The following RNMT variants were observed in gnomAD, a reference collection of about 807,000 sequenced individuals.
RNMT encodes the protein mRNA cap guanine-N(7) methyltransferase.
Under a neutral mutation model 56.0 loss-of-function variants are expected in RNMT, and 27 were observed. The ratio of observed to expected loss-of-function variants is 0.48; its 90% confidence interval spans 0.36 to 0.67. The LOEUF is 0.67. RNMT is among the 30% of genes least tolerant of loss of function. The pLI is 0.00. For missense variants in RNMT, 519 were observed against 552.1 expected, an observed-to-expected ratio of 0.94 and a Z score of 0.60; for synonymous variants, 184 against 176.2, an observed-to-expected ratio of 1.04 and a Z score of -0.35.
At chr18:13,755,897 A>T (rs1189972762) in intron 11 of RNMT, among the ~76,000 whole-genome samples, 1 of 152,172 alleles carries the variant, frequency 6.6e-6, no homozygotes, top group African/African-American at 2.4e-5. Context: ...GTCATCATGT[A>T]CAAATGAAAA....
chr18:13,742,106 A>T (rs2044260710), intron 7 of RNMT, among the ~76,000 whole-genome samples: 1 of 152,220 alleles, frequency 6.6e-6, no homozygotes, highest in South Asian at 2.1e-4. Context: ...TGGGAGGCCA[A>T]GGCAGGAGGA....
chr18:13,741,626 T>C lies in RNMT; in HGVS notation c.909T>C (p.Asn303=). ...SYEQADMMLR[N]ACERLSPGGY... is the part of the protein sequence containing the mutation. Reference sequence around the variant, plus strand: ...AGCAGGCTGACATGATGCTGAGAAATGCGTGTGAGAGACTTAGCCCTGGGG... The same window carrying C: ...AGCAGGCTGACATGATGCTGAGAAACGCGTGTGAGAGACTTAGCCCTGGGG... Residue 303 remains asparagine (N), a synonymous_variant, in exon 7 of 12, where the codon AAT becomes AAC. Transcript: ENST00000383314. 6.2e-7 allele frequency: 1 copy of C among 1,614,084 alleles called. No homozygotes were observed. The highest frequency in any genetic ancestry group is 8.5e-7 in the Non-Finnish European group (1 of 1,179,948).
chr18:13,763,392 C>A lies in RNMT; in HGVS notation c.*3413C>A, dbSNP rs73418756. On this transcript the variant is annotated 3_prime_UTR_variant, in exon 12 of 12. Transcript: ENST00000383314. ...CATGTAGGCCTAAAGTCACCCCACT[C>A]CTTAGTGCCTGCACCTCACCACGAT... The A allele has an allele frequency of 0.01, 2,913 of 280,938 alleles. 74 individuals carry two copies. The highest frequency in any genetic ancestry group is 0.046 in the African/African-American group (2,122 of 46,068). 17.4% of individuals were successfully genotyped at this position (280,938 alleles called of 1,614,324 possible). A position where few individuals can be genotyped will look rare whatever the true frequency, so the allele number is the denominator to read the frequency against.
intron 11 of RNMT, among the ~76,000 whole-genome samples, chr18:13,755,789 TC>T (rs2044532770): frequency 6.6e-6 from 1 of 152,190 alleles, no homozygotes; most frequent in Non-Finnish European, 1.5e-5. Flanking sequence ...ATCCTGCTGG[TC>T]CCAAAGTAGA....
In RNMT at chr18:13,749,234, A is replaced by G. The variant is rs994434256; in HGVS notation, c.1257+2897A>G. Among the ~76,000 whole-genome samples the G allele has an allele frequency of 2.6e-5, 4 of 152,376 alleles. No homozygotes were observed. The East Asian group carries it at 7.7e-4, about 29-fold the overall frequency. ...GGATAAGTTGAAGAACAAGTTTACA[A>G]CAAAATAGTTTGACAGGCATTCAAA... On this transcript the variant is annotated intron_variant, in intron 9 of 11. Coordinates refer to ENST00000383314, the MANE Select transcript of RNMT (RefSeq NM_003799.3).
rs2044569023 is a variant in RNMT at position 13,757,835 on chromosome 18, ACTAT to A, written c.1394-2102_1394-2099del. On this transcript the variant is annotated intron_variant, in intron 11 of 11. Coordinates refer to ENST00000383314, the MANE Select transcript of RNMT (RefSeq NM_003799.3). Reference sequence around the variant, plus strand: ...TTCATCCAGATCCATCAGAGGAATCACTATCTATGGCAGCTATAGCCTTACAAAA... The same window carrying A: ...TTCATCCAGATCCATCAGAGGAATCACTATGGCAGCTATAGCCTTACAAAA... Among the ~76,000 whole-genome samples the A allele has an allele frequency of 2.6e-5, 4 of 152,208 alleles. No individual in the cohort carries two copies. The South Asian group carries it at 8.3e-4, about 32-fold the overall frequency.
chr18:13,749,878 C>G (rs1395200007), intron 9 of RNMT, among the ~76,000 whole-genome samples: 1 of 150,606 alleles, frequency 6.6e-6, no homozygotes, highest in African/African-American at 2.4e-5. Flanking sequence ...TTTCACCTCC[C>G]CCTTCTGAGT....
intron 3 of RNMT, among the ~76,000 whole-genome samples, chr18:13,733,186 A>G (rs531674995): frequency 2.0e-5 from 3 of 152,306 alleles, no homozygotes; most frequent in East Asian, 3.9e-4. Flanking sequence ...AAGGCCTTTC[A>G]GCACATCAGT....
In RNMT at chr18:13,761,542, C is replaced by T. The variant is rs2044619335; in HGVS notation, c.*1563C>T. 1 of 992,394 alleles carries T rather than the reference C, an allele frequency of 1.0e-6. No individual in the cohort carries two copies. Among genetic ancestry groups the T allele is most frequent in the African/African-American group, 1.7e-5 (1 of 57,380 alleles). The allele number at this position is 992,394 out of a possible 1,614,324, so 61.5% of individuals were successfully genotyped here. A position where few individuals can be genotyped will look rare whatever the true frequency, so the allele number is the denominator to read the frequency against. On this transcript the variant is annotated 3_prime_UTR_variant, in exon 12 of 12. Transcript: ENST00000383314. ...TAATAATAATACATGTACTTTTAGC[C>T]TGAAACCTCTTCCACGCCATGGGTA... is the stretch of plus-strand genomic sequence containing the variant.
At chr18:13,738,862 G>A (rs1299498931) in intron 5 of RNMT, among the ~76,000 whole-genome samples, 1 of 152,100 alleles carries the variant, frequency 6.6e-6, no homozygotes, top group African/African-American at 2.4e-5. Context: ...ACCAGGGGCC[G>A]GTTTCATGGA....
chr18:13,729,763 A>G (rs2044035682), intron 1 of RNMT, among the ~76,000 whole-genome samples: 1 of 148,704 alleles, frequency 6.7e-6, no homozygotes, highest in Admixed American at 6.7e-5. Flanking sequence ...CTTTTTATTT[A>G]TTTACTTTTT....
intron 5 of RNMT, among the ~76,000 whole-genome samples, chr18:13,737,611 C>T (rs960846352): frequency 2.6e-5 from 4 of 151,634 alleles, no homozygotes; most frequent in Non-Finnish European, 5.9e-5. Flanking sequence ...CCTGGGATAA[C>T]GTTTCCTTCC....
intron 11 of RNMT, among the ~76,000 whole-genome samples, chr18:13,757,331 A>C (rs2044560160): frequency 6.6e-6 from 1 of 152,124 alleles, no homozygotes; most frequent in South Asian, 2.1e-4. Flanking sequence ...TTCACAGAAG[A>C]TTTCTCTGTA....
intron 5 of RNMT, 148 bp downstream of exon 5, chr18:13,737,283 C>T: frequency 1.4e-6 from 1 of 706,478 alleles, no homozygotes; most frequent in Non-Finnish European, 2.2e-6. Flanking sequence ...TGGCTCATGC[C>T]TGTAATCCAA....
At chr18:13,731,172 C>T (rs559952083) in intron 2 of RNMT, among the ~76,000 whole-genome samples, 11 of 152,120 alleles carry the variant, frequency 7.2e-5, no homozygotes, top group African/African-American at 2.2e-4. Context: ...TTTGGGAGGC[C>T]AAGGCAGGCG....
At chr18:13,752,506 C>A (rs2044467239) in intron 10 of RNMT, 79 bp downstream of exon 10, 2 of 873,384 alleles carry the variant, frequency 2.3e-6, no homozygotes, top group Non-Finnish European at 3.6e-6. Context: ...GAAATGATTT[C>A]ACTTGTTTAC....
At position 13,753,816 on chromosome 18, in the gene RNMT, T is replaced by TACACACACACACACAC. The variant is rs3138630; in HGVS notation, c.1360-278_1360-263dup. On this transcript the variant is annotated intron_variant, in intron 10 of 11. Transcript: ENST00000383314. ...ATACAAGATAGATGCATTTTCCAGTTACACACACACACACACACACACACA... is the reference window on the plus strand; with the variant it reads ...ATACAAGATAGATGCATTTTCCAGTTACACACACACACACACACACACACACACACACACACACACA... Among the ~76,000 whole-genome samples, 567 of 144,468 alleles carry TACACACACACACACAC rather than the reference T, an allele frequency of 3.9e-3. 1 individual carries two copies. Among genetic ancestry groups the TACACACACACACACAC allele is most frequent in the Non-Finnish European group, 4.4e-3 (291 of 66,118 alleles). The allele number at this position is 144,468 out of a possible 152,430, so 94.8% of individuals were successfully genotyped here. A position where few individuals can be genotyped will look rare whatever the true frequency, so the allele number is the denominator to read the frequency against.
chr18:13,745,683 G>A (rs1269479876), intron 8 of RNMT, among the ~76,000 whole-genome samples: 1 of 148,066 alleles, frequency 6.8e-6, no homozygotes, highest in Non-Finnish European at 1.5e-5. Context: ...GCTGGGGGGT[G>A]GAAGTGAGTA....
At chr18:13,744,008 A>AT (rs996115392) in intron 8 of RNMT, among the ~76,000 whole-genome samples, 9 of 152,026 alleles carry the variant, frequency 5.9e-5, no homozygotes, top group African/African-American at 2.2e-4. Context: ...CTTCAACTTT[A>AT]TTTAAAAAAG....
Sources: gnomAD v4.1 joint callset for allele counts (sites outside exome capture counted in the v4.1 genomes callset) on GRCh38, gnomAD v4.1.1 for gene constraint, MANE v1.5 for transcripts, NCBI Gene and HGNC (gene_info 2026-07-23, HGNC 2026-07-21) for gene names.